The following DRC10 variants were observed in gnomAD, a reference collection of about 807,000 sequenced individuals.
DRC10 encodes the protein IQ domain-containing protein D.
At chr12:113,213,842 G>C in the DRC10 span, among the ~76,000 whole-genome samples, 9,577 of 152,212 alleles carry the variant, frequency 0.063, 377 homozygotes, top group Middle Eastern at 0.078. Flanking sequence ...ACCTGTGGAG[G>C]CTGAGGCGGG....
the DRC10 span, among the ~76,000 whole-genome samples, chr12:113,201,084 A>G: frequency 1.3e-5 from 2 of 152,144 alleles, no homozygotes; most frequent in African/African-American, 4.8e-5. Context: ...GATTGCAGTG[A>G]GCGGAGATAT....
the DRC10 span, chr12:113,195,507 C>T: frequency 2.2e-4 from 331 of 1,495,070 alleles, 2 homozygotes; most frequent in African/African-American, 4.3e-3. Flanking sequence ...ATTTAGTGCT[C>T]TCCATCTCGG....
At chr12:113,206,304 C>T in the DRC10 span, among the ~76,000 whole-genome samples, 3 of 152,082 alleles carry the variant, frequency 2.0e-5, no homozygotes, top group Non-Finnish European at 4.4e-5. Flanking sequence ...ATACCTGAAC[C>T]GGTCCAAGCA....
At chr12:113,208,707 G>A in the DRC10 span, among the ~76,000 whole-genome samples, 44 of 152,238 alleles carry the variant, frequency 2.9e-4, no homozygotes, top group Non-Finnish European at 5.4e-4. Context: ...AGACATTGCC[G>A]GAAATGCAGA....
chr12:113,205,242 A>AG, the DRC10 span, among the ~76,000 whole-genome samples: 2 of 151,848 alleles, frequency 1.3e-5, no homozygotes, highest in African/African-American at 4.8e-5. Flanking sequence ...AAAAAAAAAA[A>AG]GCTACTTAGG....
chr12:113,208,191 T>C, the DRC10 span: 4 of 1,592,718 alleles, frequency 2.5e-6, no homozygotes, highest in African/African-American at 5.4e-5. Flanking sequence ...TCTGTGCCTC[T>C]GTAGGTCCAC....
chr12:113,198,205 A>G, the DRC10 span, among the ~76,000 whole-genome samples: 890 of 152,280 alleles, frequency 5.8e-3, 8 homozygotes, highest in African/African-American at 0.021. Context: ...TGACAGAGCA[A>G]GACTGTCTCA....
At chr12:113,202,288 T>TATGTTATCCACAAAGTCAGGTGA in the DRC10 span, among the ~76,000 whole-genome samples, 597 of 152,222 alleles carry the variant, frequency 3.9e-3, 8 homozygotes, top group African/African-American at 0.013. Flanking sequence ...CACACACACA[T>TATGTTATCCACAAAGTCAGGTGA]ATGTTATCCA....
chr12:113,209,048 C>T, the DRC10 span, among the ~76,000 whole-genome samples: 2 of 152,196 alleles, frequency 1.3e-5, no homozygotes, highest in Admixed American at 1.3e-4. Context: ...TCTCCTGCCT[C>T]AGCCTCCTGA....
the DRC10 span, among the ~76,000 whole-genome samples, chr12:113,199,454 C>T: frequency 6.6e-6 from 1 of 152,036 alleles, no homozygotes; most frequent in Non-Finnish European, 1.5e-5. Context: ...GAGCAAGAGC[C>T]CTTAGCTTGG....
chr12:113,198,054 T>C, the DRC10 span, among the ~76,000 whole-genome samples: 1 of 152,128 alleles, frequency 6.6e-6, no homozygotes, highest in Admixed American at 6.6e-5. Context: ...CCATCTCTAC[T>C]AAAGATACAA....
the DRC10 span, among the ~76,000 whole-genome samples, chr12:113,212,182 G>C: frequency 6.6e-6 from 1 of 151,380 alleles, no homozygotes; most frequent in Non-Finnish European, 1.5e-5. Flanking sequence ...GCAGTCTCCT[G>C]TCTCAGCCTC....
chr12:113,208,697 A>G, the DRC10 span, among the ~76,000 whole-genome samples: 2 of 152,108 alleles, frequency 1.3e-5, no homozygotes, highest in African/African-American at 4.8e-5. Context: ...GAGGAGCTAG[A>G]GACATTGCCG....
At chr12:113,209,759 C>T in the DRC10 span, among the ~76,000 whole-genome samples, 2,555 of 152,248 alleles carry the variant, frequency 0.017, 54 homozygotes, top group African/African-American at 0.057. Flanking sequence ...GGAGGGCATA[C>T]GGGAACTCTC....
the DRC10 span, among the ~76,000 whole-genome samples, chr12:113,201,165 C>A: frequency 6.6e-6 from 1 of 152,020 alleles, no homozygotes; most frequent in Non-Finnish European, 1.5e-5. Context: ...CTCTCCATAT[C>A]CACTGACAGT....
chr12:113,200,527 C>A, the DRC10 span: 9 of 926,268 alleles, frequency 9.7e-6, no homozygotes, highest in Non-Finnish European at 1.5e-5. Flanking sequence ...CAGTCCCACC[C>A]ATCCCCCCCA....
the DRC10 span, chr12:113,208,501 G>T: frequency 3.0e-6 from 1 of 337,752 alleles, no homozygotes; most frequent in Non-Finnish European, 4.9e-6. Flanking sequence ...CAGGCATACA[G>T]ACAGCATTCT....
At chr12:113,207,426 A>G in the DRC10 span, 10,071 of 1,597,506 alleles carry the variant, frequency 6.3e-3, 966 homozygotes, top group Admixed American at 0.16. Flanking sequence ...CAGCAATACT[A>G]TGAAACAATA....
At chr12:113,196,293 G>A in the DRC10 span, among the ~76,000 whole-genome samples, 2 of 152,166 alleles carry the variant, frequency 1.3e-5, no homozygotes, top group Admixed American at 1.3e-4. Context: ...CATGATGCCA[G>A]GCACACAGTG....
Sources: gnomAD v4.1 joint callset for allele counts (sites outside exome capture counted in the v4.1 genomes callset) on GRCh38, gnomAD v4.1.1 for gene constraint, MANE v1.5 for transcripts, NCBI Gene and HGNC (gene_info 2026-07-23, HGNC 2026-07-21) for gene names.